The following MTRF1 variants were observed in gnomAD, a reference collection of about 807,000 sequenced individuals.
MTRF1 encodes peptide chain release factor 1, mitochondrial.
MTRF1 carries 51 observed loss-of-function variants against 62.9 expected under a neutral mutation model. That is an observed-to-expected ratio of 0.81 (90% CI 0.65 to 1.02). The LOEUF is 1.02. MTRF1 is among the 50% of genes least tolerant of loss of function. The pLI, the probability that MTRF1 is intolerant of heterozygous loss-of-function variation, is 0.00. For synonymous variants in MTRF1, 158 were observed against 181.9 expected, an observed-to-expected ratio of 0.87 and a Z score of 1.06; for missense variants, 446 against 530.0, an observed-to-expected ratio of 0.84 and a Z score of 1.56.
At position 41,254,557 on chromosome 13, in the gene MTRF1, T is replaced by A. The variant is rs776772925; in HGVS notation, c.479A>T (p.Asp160Val). Residue 160 changes from aspartate (D) to valine (V), a missense_variant, in exon 3 of 10, where the codon GAT becomes GTT. Physicochemically the swap from Asp to Val is radical, Grantham distance 152. Transcript: ENST00000379480. ...ELALEERQTI[D>V]QKINMLYNEL... ...ATTGTACAACATGTTGATTTTTTGATCAATGGTTTGCCTTTCTTCCAGTGC... is the reference window on the plus strand; with the variant it reads ...ATTGTACAACATGTTGATTTTTTGAACAATGGTTTGCCTTTCTTCCAGTGC... The A allele has an allele frequency of 1.2e-6, 2 of 1,613,766 alleles. No individual in the cohort carries two copies. The highest frequency in any genetic ancestry group is 1.7e-6 in the Non-Finnish European group (2 of 1,179,826).
the MTRF1 span, among the ~76,000 whole-genome samples, chr13:41,275,933 C>CAACT: frequency 1.3e-5 from 2 of 151,994 alleles, no homozygotes; most frequent in East Asian, 3.9e-4. Context: ...AAAAGATGAA[C>CAACT]AACTGCAAGG....
the MTRF1 span, among the ~76,000 whole-genome samples, chr13:41,300,028 G>A: frequency 2.0e-5 from 3 of 152,152 alleles, no homozygotes; most frequent in African/African-American, 4.8e-5. Flanking sequence ...TCCAGAGATC[G>A]TTGTTGACTC....
At chr13:41,267,943 T>C (rs9532764), upstream of MTRF1, among the ~76,000 whole-genome samples, 13,779 of 152,164 alleles carry the variant, frequency 0.091, 861 homozygotes, top group African/African-American at 0.17. Flanking sequence ...TTTAATCTTA[T>C]TATTATTATT....
the MTRF1 span, among the ~76,000 whole-genome samples, chr13:41,311,989 CTGCATTCTCTGCTT>C: frequency 1.3e-5 from 2 of 152,244 alleles, no homozygotes; most frequent in Non-Finnish European, 2.9e-5. Flanking sequence ...GTTTTGCGTT[CTGCATTCTCTGCTT>C]TGCGTTTAGT....
chr13:41,259,712 A>AAAAAACAAAAACAAAAAAAAC (rs57661393), intron 2 of MTRF1, among the ~76,000 whole-genome samples: 1 of 136,714 alleles, frequency 7.3e-6, no homozygotes, highest in Admixed American at 7.3e-5. Context: ...AAAAAAAAAA[A>AAAAAACAAAAACAAAAAAAAC]AAAAAAAAAC....
chr13:41,290,356 C>A, the MTRF1 span, among the ~76,000 whole-genome samples: 1 of 150,886 alleles, frequency 6.6e-6, no homozygotes, highest in South Asian at 2.1e-4. Context: ...GCCTTGGCCT[C>A]CCAAAGTGCT....
the MTRF1 span, among the ~76,000 whole-genome samples, chr13:41,280,806 G>A: frequency 6.6e-6 from 1 of 152,100 alleles, no homozygotes; most frequent in Non-Finnish European, 1.5e-5. Flanking sequence ...TTGCCAGATG[G>A]GGTGAAGGTA....
the MTRF1 span, among the ~76,000 whole-genome samples, chr13:41,281,586 A>C: frequency 6.6e-6 from 1 of 152,148 alleles, no homozygotes; most frequent in Non-Finnish European, 1.5e-5. Flanking sequence ...ATGCTGATAG[A>C]CACAACAGTT....
chr13:41,280,368 C>T, the MTRF1 span, among the ~76,000 whole-genome samples: 1 of 152,176 alleles, frequency 6.6e-6, no homozygotes, highest in East Asian at 1.9e-4. Flanking sequence ...AGTTGTCCTG[C>T]CTTTCTGAAC....
chr13:41,233,071 T>C (rs1355119872), intron 7 of MTRF1, among the ~76,000 whole-genome samples: 2 of 152,148 alleles, frequency 1.3e-5, no homozygotes, highest in Non-Finnish European at 2.9e-5. Context: ...AAAAGGTATA[T>C]AAGAAGGGCA....
At chr13:41,254,753 T>G (rs2039500038) in intron 2 of MTRF1, 133 bp from the exon 3 acceptor site, 2 of 564,988 alleles carry the variant, frequency 3.5e-6, no homozygotes, top group South Asian at 6.0e-5. Context: ...AAGGAACATT[T>G]AGAATATTTG....
At chr13:41,220,097 G>A (rs1225214963) in intron 9 of MTRF1, among the ~76,000 whole-genome samples, 4 of 151,442 alleles carry the variant, frequency 2.6e-5, no homozygotes, top group Non-Finnish European at 2.9e-5. Context: ...GGAGGCCAAG[G>A]TGGGTGGATC....
intron 7 of MTRF1, among the ~76,000 whole-genome samples, chr13:41,233,014 AAC>A (rs1470237654): frequency 6.6e-6 from 1 of 152,222 alleles, no homozygotes; most frequent in Admixed American, 6.5e-5. Flanking sequence ...TCATTATATG[AAC>A]ACAGTGAAAA....
intron 2 of MTRF1, among the ~76,000 whole-genome samples, chr13:41,259,712 A>AAAAAACAAAAACAAACAAAAAC (rs57661393): frequency 2.2e-5 from 3 of 136,766 alleles, no homozygotes; most frequent in Admixed American, 2.2e-4. Context: ...AAAAAAAAAA[A>AAAAAACAAAAACAAACAAAAAC]AAAAAAAAAC....
Position 41,246,867 on chromosome 13 carries a change from C to T in MTRF1, c.697+5778G>A, listed in dbSNP as rs193016057. ...TTTGGCATAGATTAAAACAGCCAGT[C>T]TTAGGCTATCTGAGTTCAAATTTCA... On this transcript the variant is annotated intron_variant, in intron 5 of 9. Coordinates refer to ENST00000379480, the MANE Select transcript of MTRF1 (RefSeq NM_004294.4). 7.0e-3 allele frequency among the ~76,000 whole-genome samples: 1,068 copies of T among 152,350 alleles called. 14 individuals are homozygous for T. Among genetic ancestry groups the T allele is most frequent in the African/African-American group, 0.024 (982 of 41,576 alleles).
chr13:41,230,513 C>T (rs1236362606), intron 7 of MTRF1, among the ~76,000 whole-genome samples: 1 of 150,910 alleles, frequency 6.6e-6, no homozygotes, highest in Non-Finnish European at 1.5e-5. Context: ...ATCTGTCTGC[C>T]TTGGCCTCCC....
At chr13:41,309,694 T>C in the MTRF1 span, among the ~76,000 whole-genome samples, 1 of 151,940 alleles carries the variant, frequency 6.6e-6, no homozygotes, top group Non-Finnish European at 1.5e-5. Flanking sequence ...CAACTTAGGC[T>C]AGAAAGAAGG....
At chr13:41,282,728 G>A in the MTRF1 span, among the ~76,000 whole-genome samples, 1 of 152,182 alleles carries the variant, frequency 6.6e-6, no homozygotes, top group Non-Finnish European at 1.5e-5. Context: ...GAGAGCATAT[G>A]GGGATATTTG....
chr13:41,226,495 A>G lies in MTRF1; in HGVS notation c.1062T>C (p.Ala354=), dbSNP rs757868921. 3 of 1,614,032 alleles carry G rather than the reference A, an allele frequency of 1.9e-6. No homozygotes were observed. The South Asian group carries it at 3.3e-5, about 18-fold the overall frequency. ...NKEIAFRVLR[A]RLYQQIIEKD... is the part of the protein sequence containing the mutation. ...TCTCAATAATCTGCTGGTAGAGTCT[A>G]GCTCTCAACACACGAAAGGCTATTT... Residue 354 remains alanine (A), a synonymous_variant, in exon 8 of 10, where the codon GCT becomes GCC. Transcript: ENST00000379480.
Sources: allele counts gnomAD v4.1 joint callset (sites outside exome capture counted in the v4.1 genomes callset), GRCh38; gene constraint gnomAD v4.1.1; transcripts MANE v1.5; gene names NCBI Gene and HGNC (gene_info 2026-07-23, HGNC 2026-07-21).